Variants in SULF1 observed in about 807,000 individuals in gnomAD.
SULF1 encodes the protein sulfatase 1.
Under a neutral mutation model 110.5 loss-of-function variants are expected in SULF1, and 46 were observed. The observed-to-expected ratio is 0.42, with a 90% CI of 0.33 to 0.53. The LOEUF is 0.53. SULF1 is among the 20% of genes least tolerant of loss of function. The pLI, the probability that SULF1 is intolerant of heterozygous loss-of-function variation, is 0.12. For synonymous variants in SULF1, 371 were observed against 387.1 expected (o/e 0.96, Z 0.49); for missense variants, 941 against 1,094.2 (o/e 0.86, Z 1.98).
chr8:69,658,366 A>G (rs946617770), intron 22 of SULF1, 139 bp from the exon 23 acceptor site: 49 of 632,736 alleles, frequency 7.7e-5, no homozygotes, highest in Non-Finnish European at 2.2e-5. Context: ...ACTCTGTGAT[A>G]ACAAATGACT....
At chr8:69,505,638 A>C (rs986333680) in intron 3 of SULF1, among the ~76,000 whole-genome samples, 1 of 152,186 alleles carries the variant, frequency 6.6e-6, no homozygotes, top group Non-Finnish European at 1.5e-5. Flanking sequence ...CAAGGAATCA[A>C]TATCAGATGT....
intron 1 of SULF1, among the ~76,000 whole-genome samples, chr8:69,494,830 C>T (rs1158870786): frequency 1.4e-5 from 2 of 148,136 alleles, no homozygotes; most frequent in East Asian, 2.0e-4. Flanking sequence ...GAGTGAGTTG[C>T]GTTTGTGCCA....
intron 3 of SULF1, among the ~76,000 whole-genome samples, chr8:69,557,527 A>G (rs1260887437): frequency 6.6e-6 from 1 of 152,110 alleles, no homozygotes; most frequent in Non-Finnish European, 1.5e-5. Context: ...CTCACTCTTC[A>G]ACCCTCACTT....
At chr8:69,535,648 G>A (rs1813384631) in intron 3 of SULF1, among the ~76,000 whole-genome samples, 1 of 152,076 alleles carries the variant, frequency 6.6e-6, no homozygotes, top group African/African-American at 2.4e-5. Context: ...GATAAGATGA[G>A]GGTGCCAACT....
chr8:69,472,851 T>C (rs530960148), intron 1 of SULF1, among the ~76,000 whole-genome samples: 7 of 152,322 alleles, frequency 4.6e-5, no homozygotes, highest in Non-Finnish European at 8.8e-5. Context: ...TAATTTAATT[T>C]TTTGAGACAA....
chr8:69,487,166 A>C (rs534590629), intron 1 of SULF1, among the ~76,000 whole-genome samples: 9 of 152,332 alleles, frequency 5.9e-5, no homozygotes, highest in Non-Finnish European at 8.8e-5. Flanking sequence ...GCATCAGTCT[A>C]AATAATTTTT....
intron 3 of SULF1, among the ~76,000 whole-genome samples, chr8:69,505,479 T>C (rs1424724538): frequency 1.3e-5 from 2 of 152,180 alleles, no homozygotes; most frequent in Non-Finnish European, 2.9e-5. Flanking sequence ...CTATTTGGGA[T>C]GGAAAATTTT....
chr8:69,592,622 A>T (rs1283773136), intron 8 of SULF1, among the ~76,000 whole-genome samples: 1 of 152,192 alleles, frequency 6.6e-6, no homozygotes, highest in Admixed American at 6.5e-5. Flanking sequence ...TAACACCTTG[A>T]TGTGATGTCA....
At chr8:69,522,577 A>G (rs1423028204) in intron 3 of SULF1, among the ~76,000 whole-genome samples, 1 of 152,248 alleles carries the variant, frequency 6.6e-6, no homozygotes, top group African/African-American at 2.4e-5. Context: ...AGTCATTAGC[A>G]TAATGTCAAC....
At chr8:69,617,373 C>CTATATA (rs56381958) in intron 13 of SULF1, among the ~76,000 whole-genome samples, 4 of 48,924 alleles carry the variant, frequency 8.2e-5, no homozygotes, top group Non-Finnish European at 1.2e-4. Context: ...GCATGCTTAG[C>CTATATA]TATATATATA....
At chr8:69,638,262 A>C in intron 19 of SULF1, 1 of 484,204 alleles carries the variant, frequency 2.1e-6, no homozygotes, top group Admixed American at 4.0e-5. Context: ...TGTGCCTGAA[A>C]TTTTACTTTA....
chr8:69,557,263 A>G (rs987031616), intron 3 of SULF1, among the ~76,000 whole-genome samples: 1 of 152,186 alleles, frequency 6.6e-6, no homozygotes, highest in Non-Finnish European at 1.5e-5. Flanking sequence ...TTGGTCACCA[A>G]TGACCATTAT....
chr8:69,573,908 A>G, intron 5 of SULF1, among the ~76,000 whole-genome samples: 1 of 151,964 alleles, frequency 6.6e-6, no homozygotes, highest in East Asian at 1.9e-4. Flanking sequence ...GTGTTAGCCA[A>G]CTCCCAGCCT....
chr8:69,644,777 A>G (rs1811762300), intron 22 of SULF1, among the ~76,000 whole-genome samples: 1 of 151,012 alleles, frequency 6.6e-6, no homozygotes, highest in Admixed American at 6.6e-5. Flanking sequence ...AAAAAAAAAA[A>G]AAAGAATTGA....
At chr8:69,552,556 A>C (rs1468196155) in intron 3 of SULF1, among the ~76,000 whole-genome samples, 1 of 152,260 alleles carries the variant, frequency 6.6e-6, no homozygotes, top group Non-Finnish European at 1.5e-5. Context: ...GAATTTGGAA[A>C]GCATTGATTT....
upstream of SULF1, among the ~76,000 whole-genome samples, chr8:69,491,889 G>T (rs1219203861): frequency 6.6e-6 from 1 of 152,176 alleles, no homozygotes; most frequent in East Asian, 1.9e-4. Flanking sequence ...ACGGAGAAAA[G>T]AGGGGAAATT....
intron 3 of SULF1, among the ~76,000 whole-genome samples, chr8:69,521,752 A>C (rs1224282059): frequency 6.6e-6 from 1 of 152,074 alleles, no homozygotes; most frequent in Non-Finnish European, 1.5e-5. Context: ...GATTTTGTAC[A>C]AAGGAAACAT....
At chr8:69,615,798 A>T (rs1278550804) in intron 13 of SULF1, among the ~76,000 whole-genome samples, 1 of 152,180 alleles carries the variant, frequency 6.6e-6, no homozygotes, top group African/African-American at 2.4e-5. Context: ...GGGAAATTCA[A>T]CTAGGATTCC....
At position 69,475,780 on chromosome 8, in the gene SULF1, GCACT is replaced by G. The variant is rs1171486857; in HGVS notation, c.-391+8833_-391+8836del. ...AATAATATATGTGCTGCTGAAGCAA[GCACT>G]CAATGTTTAATAATATAATTTAAAT... is the stretch of plus-strand genomic sequence containing the variant. On this transcript the variant is annotated intron_variant, in intron 1 of 22. Coordinates refer to the SULF1 transcript ENST00000260128. 4.6e-5 allele frequency among the ~76,000 whole-genome samples: 7 copies of G among 152,146 alleles called. No homozygotes were observed. In the South Asian group the frequency reaches 1.0e-3, roughly 23 times the overall value.
Sources: allele counts gnomAD v4.1 joint callset (sites outside exome capture counted in the v4.1 genomes callset), GRCh38; gene constraint gnomAD v4.1.1; transcripts MANE v1.5; gene names NCBI Gene and HGNC (gene_info 2026-07-23, HGNC 2026-07-21).